SLCO1B1: variants seen among roughly 807,000 people sequenced by gnomAD.
SLCO1B1 encodes the protein OATP-2.
In SLCO1B1, 81 loss-of-function variants were observed where a neutral mutation model predicts 70.1. The observed-to-expected ratio is 1.16, with a 90% CI of 0.97 to 1.39. The LOEUF (loss-of-function observed/expected upper bound fraction) is 1.39. SLCO1B1 is among the 40% of genes most tolerant of loss of function. The pLI, the probability that SLCO1B1 is intolerant of heterozygous loss-of-function variation, is 0.00. For missense variants in SLCO1B1, 895 were observed against 799.6 expected (o/e 1.12, Z -1.44); for synonymous variants, 283 against 271.5 (o/e 1.04, Z -0.42).
chr12:21,227,975 C>T (rs1941498174), intron 14 of SLCO1B1, among the ~76,000 whole-genome samples: 2 of 151,930 alleles, frequency 1.3e-5, no homozygotes, highest in South Asian at 4.1e-4. Flanking sequence ...ATTGTGATAA[C>T]ATTATATAGT....
intron 2 of SLCO1B1, among the ~76,000 whole-genome samples, chr12:21,143,287 A>G (rs1940336165): frequency 6.6e-6 from 1 of 152,070 alleles, no homozygotes; most frequent in African/African-American, 2.4e-5. Context: ...AAAGTTGCTG[A>G]AAATATATTG....
At position 21,224,135 on chromosome 12, in the gene SLCO1B1, C is replaced by T. The variant is rs561008640; in HGVS notation, c.1748-587C>T. Among the ~76,000 whole-genome samples the T allele has an allele frequency of 1.5e-4, 23 of 152,194 alleles. No individual in the cohort carries two copies. The South Asian group carries it at 4.4e-3, about 29-fold the overall frequency. ...ATCACTGGACTGTGAGCTCTAATGA[C>T]ATCAATAAGTGGGAAGTAGATGTCT... On this transcript the variant is annotated intron_variant, in intron 13 of 14. Coordinates refer to ENST00000256958, the MANE Select transcript of SLCO1B1 (RefSeq NM_006446.5).
intron 14 of SLCO1B1, among the ~76,000 whole-genome samples, chr12:21,235,778 T>C (rs1447595886): frequency 6.6e-6 from 1 of 152,122 alleles, no homozygotes; most frequent in Non-Finnish European, 1.5e-5. Context: ...CTGGGAAATA[T>C]TTTATTTCTA....
intron 14 of SLCO1B1, among the ~76,000 whole-genome samples, chr12:21,226,899 A>C (rs570825724): frequency 6.6e-6 from 1 of 152,274 alleles, no homozygotes; most frequent in South Asian, 2.1e-4. Context: ...ATTAAAAAAA[A>C]TCAAGTATCT....
chr12:21,143,505 A>T (rs563752146), intron 2 of SLCO1B1, among the ~76,000 whole-genome samples: 4 of 152,040 alleles, frequency 2.6e-5, no homozygotes, highest in Non-Finnish European at 5.9e-5. Flanking sequence ...CCAGACATTG[A>T]TTTAGTGTTT....
intron 11 of SLCO1B1, among the ~76,000 whole-genome samples, chr12:21,213,029 C>A (rs1303103465): frequency 6.6e-6 from 1 of 151,658 alleles, no homozygotes; most frequent in Non-Finnish European, 1.5e-5. Context: ...ATTTGCCAGT[C>A]TGTGTCTTTT....
intron 14 of SLCO1B1, among the ~76,000 whole-genome samples, chr12:21,231,212 C>T (rs1941533644): frequency 6.6e-6 from 1 of 152,104 alleles, no homozygotes; most frequent in African/African-American, 2.4e-5. Flanking sequence ...TTTTCTTAAT[C>T]CAGTCTATCA....
At chr12:21,211,690 C>G (rs1941287633) in intron 11 of SLCO1B1, among the ~76,000 whole-genome samples, 1 of 151,832 alleles carries the variant, frequency 6.6e-6, no homozygotes. Context: ...CCATCTGGTC[C>G]TGGACTCTTT....
chr12:21,228,833 C>G (rs1450871466), intron 14 of SLCO1B1, among the ~76,000 whole-genome samples: 1 of 152,056 alleles, frequency 6.6e-6, no homozygotes, highest in Non-Finnish European at 1.5e-5. Context: ...CCAGGAAATG[C>G]TCCGGGCTTA....
At chr12:21,138,436 A>C (rs1033054080) in intron 1 of SLCO1B1, among the ~76,000 whole-genome samples, 1 of 152,242 alleles carries the variant, frequency 6.6e-6, no homozygotes, top group East Asian at 1.9e-4. Flanking sequence ...AAATATGTTC[A>C]GAGAAAAATA....
chr12:21,236,713 T>G (rs1159717473), intron 14 of SLCO1B1, among the ~76,000 whole-genome samples: 2 of 152,162 alleles, frequency 1.3e-5, no homozygotes, highest in Non-Finnish European at 2.9e-5. Flanking sequence ...CACAGCTGCT[T>G]CTTATGGGCA....
At chr12:21,183,262 C>T (rs1271762829) in intron 7 of SLCO1B1, among the ~76,000 whole-genome samples, 1 of 152,200 alleles carries the variant, frequency 6.6e-6, no homozygotes, top group African/African-American at 2.4e-5. Context: ...GAGAAGCAAT[C>T]GTAGCTCACT....
chr12:21,177,181 G>A (rs1317303041), intron 5 of SLCO1B1, among the ~76,000 whole-genome samples: 1 of 152,094 alleles, frequency 6.6e-6, no homozygotes, highest in Non-Finnish European at 1.5e-5. Context: ...ATTGAACAGG[G>A]CCAACTGCAG....
At chr12:21,147,024 C>G (rs1410987763) in intron 2 of SLCO1B1, among the ~76,000 whole-genome samples, 1 of 152,104 alleles carries the variant, frequency 6.6e-6, no homozygotes, top group Non-Finnish European at 1.5e-5. Flanking sequence ...TGTAGAGTCT[C>G]CAAATACCAT....
intron 1 of SLCO1B1, among the ~76,000 whole-genome samples, chr12:21,131,949 T>G (rs1388216128): frequency 6.6e-6 from 1 of 152,104 alleles, no homozygotes; most frequent in Non-Finnish European, 1.5e-5. Flanking sequence ...AACTCATCAT[T>G]TAACATTGGG....
rs779769619 is a variant in SLCO1B1 at position 21,174,614 on chromosome 12, A to T, written c.264A>T (p.Gly88=). 9.5e-5 allele frequency: 154 copies of T among 1,613,182 alleles called. 2 individuals carry two copies. In the South Asian group the frequency reaches 1.6e-3, roughly 16 times the overall value. The change falls in exon 4 of 15, where the codon GGA becomes GGT. Residue 88 remains glycine, a synonymous_variant. Coordinates refer to ENST00000256958, the MANE Select transcript of SLCO1B1 (RefSeq NM_006446.5). ...LLVIVFVSYF[G]SKLHRPKLIG... Reference sequence around the variant, plus strand: ...TGATTGTATTTGTGAGTTACTTTGGATCCAAACTACATAGACCAAAGTTAA... The same window carrying T: ...TGATTGTATTTGTGAGTTACTTTGGTTCCAAACTACATAGACCAAAGTTAA...
At chr12:21,193,421 AT>A (rs1941054182) in intron 7 of SLCO1B1, among the ~76,000 whole-genome samples, 1 of 152,092 alleles carries the variant, frequency 6.6e-6, no homozygotes, top group African/African-American at 2.4e-5. Flanking sequence ...CCAAGAGATG[AT>A]TTTATTGTAT....
At chr12:21,175,262 G>A (rs1307060084) in intron 4 of SLCO1B1, among the ~76,000 whole-genome samples, 3 of 152,080 alleles carry the variant, frequency 2.0e-5, no homozygotes, top group Non-Finnish European at 4.4e-5. Context: ...TTGGCTTCAT[G>A]ATCCAAATTG....
At chr12:21,209,558 A>C (rs372417824) in intron 11 of SLCO1B1, among the ~76,000 whole-genome samples, 6 of 152,082 alleles carry the variant, frequency 3.9e-5, no homozygotes, top group Non-Finnish European at 7.4e-5. Flanking sequence ...ATTTACAGTC[A>C]TTTGGGTATA....
Sources: allele counts gnomAD v4.1 joint callset (sites outside exome capture counted in the v4.1 genomes callset), GRCh38; gene constraint gnomAD v4.1.1; transcripts MANE v1.5; gene names NCBI Gene and HGNC (gene_info 2026-07-23, HGNC 2026-07-21).